Variants in NT5DC1 observed in about 807,000 individuals in gnomAD.
NT5DC1 encodes 5'-nucleotidase domain containing 1, also known as 5'-nucleotidase domain-containing protein 1.
NT5DC1 carries 42 observed loss-of-function variants against 59.4 expected under a neutral mutation model. The observed-to-expected ratio is 0.71, with a 90% confidence interval of 0.55 to 0.92. The LOEUF (loss-of-function observed/expected upper bound fraction) is 0.92. NT5DC1 is among the 40% of genes least tolerant of loss of function. The pLI, the probability that NT5DC1 is intolerant of heterozygous loss-of-function variation, is 0.00. For synonymous variants in NT5DC1, 172 were observed against 188.1 expected (o/e 0.91, Z 0.70); for missense variants, 501 against 537.1 (o/e 0.93, Z 0.66).
intron 11 of NT5DC1, among the ~76,000 whole-genome samples, chr6:116,239,993 C>T (rs1032920355): frequency 3.3e-5 from 5 of 152,028 alleles, no homozygotes; most frequent in South Asian, 2.1e-4. Context: ...AAATTAAGAA[C>T]TTAACAGATG....
chr6:116,121,385 C>T (rs2114288319), intron 6 of NT5DC1: 1 of 1,614,092 alleles, frequency 6.2e-7, no homozygotes, highest in East Asian at 2.2e-5. Flanking sequence ...GCCAATTGGT[C>T]CCATTTCTCC....
intron 6 of NT5DC1, among the ~76,000 whole-genome samples, chr6:116,156,856 A>G (rs1288818709): frequency 6.6e-6 from 1 of 152,142 alleles, no homozygotes; most frequent in Non-Finnish European, 1.5e-5. Flanking sequence ...CCACGGCCCC[A>G]TTACATCACA....
At chr6:116,173,688 T>G (rs1449695719) in intron 6 of NT5DC1, among the ~76,000 whole-genome samples, 15 of 152,202 alleles carry the variant, frequency 9.9e-5, no homozygotes, top group Non-Finnish European at 1.9e-4. Context: ...TTTATTTTTT[T>G]GGTTGTCTTA....
intron 6 of NT5DC1, among the ~76,000 whole-genome samples, chr6:116,170,860 TG>T (rs1338531527): frequency 6.6e-6 from 1 of 152,204 alleles, no homozygotes; most frequent in Non-Finnish European, 1.5e-5. Context: ...CCTCATTATC[TG>T]TCAGGGCCAA....
At chr6:116,151,746 A>C (rs17077603) in intron 6 of NT5DC1, among the ~76,000 whole-genome samples, 25,622 of 152,142 alleles carry the variant, frequency 0.17, 2,289 homozygotes, top group East Asian at 0.26. Context: ...GCTTTTCTAT[A>C]ATAAATACCA....
Position 116,239,033 on chromosome 6 carries a change from A to T in NT5DC1, c.1162A>T (p.Asn388Tyr), listed in dbSNP as rs191204033. 6.2e-7 allele frequency: 1 copy of T among 1,608,426 alleles called. No homozygotes were observed. Among genetic ancestry groups the T allele is most frequent in the East Asian group, 2.2e-5 (1 of 44,794 alleles). ...FFIDSVLGLE[N>Y]TEDSLVYTWS... ...TATTGATTCAGTTTTGGGACTGGAA[A>T]ATACAGAAGACTCCTTGGTTTATAC... is the stretch of plus-strand genomic sequence containing the variant. Residue 388 changes from asparagine to tyrosine, a missense_variant, in exon 11 of 12, where the codon AAT becomes TAT. Coordinates refer to ENST00000319550, the MANE Select transcript of NT5DC1 (RefSeq NM_152729.3).
chr6:116,107,064 G>A (rs550863579), intron 2 of NT5DC1, among the ~76,000 whole-genome samples: 12 of 151,634 alleles, frequency 7.9e-5, no homozygotes, highest in East Asian at 1.9e-4. Flanking sequence ...GAGGTGGCAC[G>A]TGCTTGTATT....
intron 6 of NT5DC1, among the ~76,000 whole-genome samples, chr6:116,175,606 C>CT (rs1780716945): frequency 6.6e-6 from 1 of 152,092 alleles, no homozygotes; most frequent in East Asian, 1.9e-4. Flanking sequence ...TTCCTTCTCC[C>CT]CCGACACAGT....
chr6:116,134,257 G>T (rs1779535620), intron 6 of NT5DC1, among the ~76,000 whole-genome samples: 1 of 152,128 alleles, frequency 6.6e-6, no homozygotes, highest in African/African-American at 2.4e-5. Flanking sequence ...CAGTTGCCAG[G>T]TTGGGTTCTA....
intron 6 of NT5DC1, chr6:116,137,165 C>A: frequency 5.2e-6 from 1 of 192,414 alleles, no homozygotes; most frequent in South Asian, 1.2e-4. Flanking sequence ...ATGTGGCTGC[C>A]ACCCCAAAAC....
intron 6 of NT5DC1, among the ~76,000 whole-genome samples, chr6:116,207,736 A>G (rs939808870): frequency 1.3e-5 from 2 of 151,964 alleles, no homozygotes; most frequent in African/African-American, 4.8e-5. Flanking sequence ...CCATTACTCA[A>G]CTGTGAACCC....
At chr6:116,199,435 C>T (rs1433082478) in intron 6 of NT5DC1, among the ~76,000 whole-genome samples, 1 of 152,068 alleles carries the variant, frequency 6.6e-6, no homozygotes, top group Non-Finnish European at 1.5e-5. Context: ...CCTTTAACTA[C>T]TCTAAGCCTT....
At chr6:116,117,661 G>A (rs1162156362) in intron 5 of NT5DC1, among the ~76,000 whole-genome samples, 200 bp from the exon 6 acceptor site, 4 of 152,106 alleles carry the variant, frequency 2.6e-5, no homozygotes, top group Non-Finnish European at 5.9e-5. Flanking sequence ...TACTGAAAGT[G>A]AAAAACAATT....
chr6:116,148,817 G>C (rs960609972), intron 6 of NT5DC1, among the ~76,000 whole-genome samples: 1 of 152,126 alleles, frequency 6.6e-6, no homozygotes, highest in African/African-American at 2.4e-5. Context: ...TTACAGGTAA[G>C]TCATTTCTAT....
intron 8 of NT5DC1, among the ~76,000 whole-genome samples, chr6:116,229,412 C>A (rs1562173955): frequency 6.6e-6 from 1 of 152,208 alleles, no homozygotes; most frequent in Non-Finnish European, 1.5e-5. Context: ...TCACGAAACA[C>A]AGCATGGCCT....
At chr6:116,186,603 G>T (rs1781004673) in intron 6 of NT5DC1, among the ~76,000 whole-genome samples, 1 of 151,826 alleles carries the variant, frequency 6.6e-6, no homozygotes, top group Non-Finnish European at 1.5e-5. Flanking sequence ...GTCTTTGTTG[G>T]ATTGAGTTAA....
intron 5 of NT5DC1, among the ~76,000 whole-genome samples, chr6:116,117,306 T>A (rs970971592): frequency 6.6e-6 from 1 of 152,226 alleles, no homozygotes; most frequent in African/African-American, 2.4e-5. Context: ...TAGTGATATG[T>A]ATGTGTATAT....
At position 116,245,977 on chromosome 6, in the gene NT5DC1, T is replaced by G. The variant is rs572915197; in HGVS notation, c.*1953T>G. ...TCTAAATTTCCTTCCTTTCTAGCAG[T>G]CAGTATTTCTTCTAATGAATGTTTT... On this transcript the variant is annotated 3_prime_UTR_variant, in exon 12 of 12. Transcript: ENST00000319550. The G allele has an allele frequency of 3.3e-4, 51 of 152,264 alleles. No homozygotes were observed. The highest frequency in any genetic ancestry group is 1.2e-3 in the African/African-American group (49 of 41,566). 9.4% of individuals were successfully genotyped at this position (152,264 alleles called of 1,614,324 possible). A position where few individuals can be genotyped will look rare whatever the true frequency, so the allele number is the denominator to read the frequency against.
chr6:116,183,964 C>T (rs1452641727), intron 6 of NT5DC1, among the ~76,000 whole-genome samples: 2 of 152,024 alleles, frequency 1.3e-5, no homozygotes. Context: ...AAGTGGGCAT[C>T]TTTGTCTTTT....
Sources: gnomAD v4.1 joint callset for allele counts (sites outside exome capture counted in the v4.1 genomes callset) on GRCh38, gnomAD v4.1.1 for gene constraint, MANE v1.5 for transcripts, NCBI Gene and HGNC (gene_info 2026-07-23, HGNC 2026-07-21) for gene names.